AQP8: variants seen among roughly 807,000 people sequenced by gnomAD.
The protein encoded by AQP8 is aquaporin-8.
Under a neutral mutation model 26.1 loss-of-function variants are expected in AQP8, and 14 were observed. That is an observed-to-expected ratio of 0.54 (90% CI 0.35 to 0.84). The LOEUF (loss-of-function observed/expected upper bound fraction) is 0.84, where lower values mean the gene tolerates loss of function less well. Among genes scored for constraint, AQP8 ranks in the 40% least tolerant of loss-of-function variants. The pLI is 0.01. For synonymous variants in AQP8, 131 were observed against 150.7 expected (o/e 0.87, Z 0.96); for missense variants, 301 against 340.5 (o/e 0.88, Z 0.91).
At chr16:25,226,849 G>A (rs1962641041) in intron 4 of AQP8, among the ~76,000 whole-genome samples, 1 of 152,160 alleles carries the variant, frequency 6.6e-6, no homozygotes, top group Non-Finnish European at 1.5e-5. Context: ...GGAGTGTGTG[G>A]GGAGTGCTGG....
Position 25,216,995 on chromosome 16 carries a change from G to A in AQP8, c.-51G>A. ...AAGAGTATCTTGCACAGCAGGTGCA[G>A]GTTTCCCAGCAGCTCAGGCAAGAGT... On this transcript the variant is annotated 5_prime_UTR_variant, in exon 1 of 6. Transcript: ENST00000219660. 1 of 1,613,144 alleles carries A rather than the reference G, an allele frequency of 6.2e-7. No individual in the cohort carries two copies. Among genetic ancestry groups the A allele is most frequent in the Non-Finnish European group, 8.5e-7 (1 of 1,179,888 alleles).
chr16:25,224,218 G>A (rs947250272), intron 3 of AQP8, 144 bp from the exon 4 acceptor site: 3 of 704,818 alleles, frequency 4.3e-6, no homozygotes, highest in Non-Finnish European at 7.0e-6. Context: ...GAGCTGGGAT[G>A]TGGATGCAGG....
rs112532302 is a variant in AQP8 at position 25,220,034 on chromosome 16, C to CA, written c.261-1412dup. 6.1e-3 allele frequency among the ~76,000 whole-genome samples: 831 copies of CA among 136,150 alleles called. 3 individuals carry two copies. The highest frequency in any genetic ancestry group is 0.018 in the African/African-American group (676 of 37,716). 89.3% of individuals were successfully genotyped at this position (136,150 alleles called of 152,430 possible). A position where few individuals can be genotyped will look rare whatever the true frequency, so the allele number is the denominator to read the frequency against. ...TGGGTGACAAAGGGAGACCCTGTCTCAAAAAAAAAAACAAAAAACAAAAAA... is the reference window on the plus strand; with the variant it reads ...TGGGTGACAAAGGGAGACCCTGTCTCAAAAAAAAAAAACAAAAAACAAAAAA... On this transcript the variant is annotated intron_variant, in intron 2 of 5. Coordinates refer to ENST00000219660, the MANE Select transcript of AQP8 (RefSeq NM_001169.3).
intron 4 of AQP8, among the ~76,000 whole-genome samples, chr16:25,225,583 GT>G (rs1962620492): frequency 6.7e-6 from 1 of 149,144 alleles, no homozygotes; most frequent in African/African-American, 2.5e-5. Context: ...ATTTTTTTTT[GT>G]ATTTTTGGTA....
intron 2 of AQP8, among the ~76,000 whole-genome samples, chr16:25,219,994 C>T (rs1013438258): frequency 4.6e-5 from 7 of 151,704 alleles, no homozygotes; most frequent in Non-Finnish European, 7.4e-5. Flanking sequence ...GAGATTGCAC[C>T]ATTGCACTCC....
chr16:25,225,685 A>G (rs933719651), intron 4 of AQP8, among the ~76,000 whole-genome samples: 5 of 151,968 alleles, frequency 3.3e-5, no homozygotes, highest in African/African-American at 1.2e-4. Flanking sequence ...CTGGGATTAC[A>G]GGCTGAGCCA....
At chr16:25,223,917 C>G (rs1386467437) in intron 3 of AQP8, among the ~76,000 whole-genome samples, 1 of 151,364 alleles carries the variant, frequency 6.6e-6, no homozygotes, top group Admixed American at 6.6e-5. Context: ...ACCTCTGCTT[C>G]CAGAGTTCAA....
At position 25,216,987 on chromosome 16, in the gene AQP8, C is replaced by T; in HGVS notation, c.-59C>T. 6.2e-7 allele frequency: 1 copy of T among 1,610,838 alleles called. No individual in the cohort carries two copies. Among genetic ancestry groups the T allele is most frequent in the Non-Finnish European group, 8.5e-7 (1 of 1,178,282 alleles). ...TAGGAGATAAGAGTATCTTGCACAG[C>T]AGGTGCAGGTTTCCCAGCAGCTCAG... On this transcript the variant is annotated 5_prime_UTR_variant, in exon 1 of 6. Coordinates refer to ENST00000219660, the MANE Select transcript of AQP8 (RefSeq NM_001169.3).
At chr16:25,221,336 C>T (rs917665349) in intron 2 of AQP8, 121 bp from the exon 3 acceptor site, 3 of 1,226,326 alleles carry the variant, frequency 2.4e-6, no homozygotes, top group South Asian at 1.4e-5. Context: ...TTGAGCTGGG[C>T]CCCGGACTGA....
intron 2 of AQP8, 44 bp from the exon 3 acceptor site, chr16:25,221,413 G>A (rs1962560344): frequency 1.9e-6 from 3 of 1,603,108 alleles, no homozygotes; most frequent in Admixed American, 1.7e-5. Flanking sequence ...CAGCCATGTG[G>A]TCAGCCCTGG....
intron 4 of AQP8, among the ~76,000 whole-genome samples, chr16:25,226,102 C>T (rs1026200642): frequency 3.3e-5 from 5 of 151,958 alleles, no homozygotes; most frequent in Non-Finnish European, 7.4e-5. Flanking sequence ...GTGGGTGAAC[C>T]TAGTAGGTGT....
chr16:25,225,748 GGGATGA>G lies in AQP8; in HGVS notation c.602+1175_602+1180del, dbSNP rs565648445. ...TGACTTCGAAGCTGGACACAGGGTG[GGGATGA>G]GGTCTACAGGCCCCCAGCTGGAGAG... On this transcript the variant is annotated intron_variant, in intron 4 of 5. Coordinates refer to ENST00000219660, the MANE Select transcript of AQP8 (RefSeq NM_001169.3). Among the ~76,000 whole-genome samples, 1,342 of 152,214 alleles carry G rather than the reference GGGATGA, an allele frequency of 8.8e-3. 19 individuals carry two copies. The highest frequency in any genetic ancestry group is 0.031 in the African/African-American group (1,291 of 41,528).
intron 4 of AQP8, among the ~76,000 whole-genome samples, chr16:25,226,756 T>C (rs1288127021): frequency 6.6e-6 from 1 of 152,198 alleles, no homozygotes; most frequent in Non-Finnish European, 1.5e-5. Flanking sequence ...TGATTGACTT[T>C]CCTTTGTAGA....
rs371818071 is a variant in AQP8 at position 25,217,090 on chromosome 16, C to G, written c.12+33C>G. 80 of 1,613,904 alleles carry G rather than the reference C, an allele frequency of 5.0e-5. 1 individual carries two copies. In the African/African-American group the frequency reaches 1.0e-3, roughly 21 times the overall value. The stretch of plus-strand genomic sequence containing the variant: ...CTCTGTCGGCATCTTCCTCTCCAGG[C>G]TGGCAGAGCAAGGGGGGCTGTGAAT... On this transcript the variant is annotated intron_variant, in intron 1 of 5. Coordinates refer to ENST00000219660, the MANE Select transcript of AQP8 (RefSeq NM_001169.3).
chr16:25,220,034 CA>C (rs112532302), intron 2 of AQP8, among the ~76,000 whole-genome samples: 15,250 of 136,240 alleles, frequency 0.11, 2,052 homozygotes, highest in African/African-American at 0.33. Context: ...GACCCTGTCT[CA>C]AAAAAAAAAA....
rs767842771 is a variant in AQP8, at chr16:25,224,546, G to T, written c.572G>T (p.Gly191Val). ...GGCCCTCTGGCCCCGTTCTCCATCG[G>T]CTTTGCCGTCACCGTGGATATCCTG... The part of the protein sequence containing the change: ...TKGPLAPFSI[G>V]FAVTVDILAG... The change falls in exon 4 of 6, where the codon GGC (glycine) becomes GTC (valine). Residue 191 changes from glycine (G) to valine (V), a missense_variant. By Grantham distance (109) the Gly-to-Val change is moderately radical. Coordinates refer to ENST00000219660, the MANE Select transcript of AQP8 (RefSeq NM_001169.3). 1.2e-6 allele frequency: 2 copies of T among 1,613,044 alleles called. No individual in the cohort carries two copies. The highest frequency in any genetic ancestry group is 2.2e-5 in the South Asian group (2 of 91,072).
chr16:25,225,513 T>C (rs751378491), intron 4 of AQP8, among the ~76,000 whole-genome samples: 38 of 151,824 alleles, frequency 2.5e-4, no homozygotes, highest in Non-Finnish European at 4.3e-4. Context: ...TTCACGCCAT[T>C]GTCCTGCCTC....
chr16:25,224,295 G>C (rs1372643471), intron 3 of AQP8, 67 bp from the exon 4 acceptor site: 2 of 1,476,816 alleles, frequency 1.4e-6, no homozygotes, highest in Non-Finnish European at 1.8e-6. Context: ...CGTTTTTTAG[G>C]CCCTCTCCCC....
chr16:25,219,320 T>C (rs1010451298), intron 2 of AQP8, among the ~76,000 whole-genome samples: 4 of 151,312 alleles, frequency 2.6e-5, no homozygotes, highest in African/African-American at 9.8e-5. Flanking sequence ...TCTGTTTGGC[T>C]TTTTTGACAA....
Sources: allele counts gnomAD v4.1 joint callset (sites outside exome capture counted in the v4.1 genomes callset), GRCh38; gene constraint gnomAD v4.1.1; transcripts MANE v1.5; gene names NCBI Gene and HGNC (gene_info 2026-07-23, HGNC 2026-07-21).